The following PCDH9 variants were observed in gnomAD, a reference collection of about 807,000 sequenced individuals.
PCDH9 encodes protocadherin 9.
Under a neutral mutation model 70.6 loss-of-function variants are expected in PCDH9, and 24 were observed. The ratio of observed to expected loss-of-function variants is 0.34; its 90% CI spans 0.25 to 0.48. The LOEUF (loss-of-function observed/expected upper bound fraction) is 0.48. PCDH9 is among the 20% of genes least tolerant of loss of function. The probability of loss-of-function intolerance (pLI) is 0.99; values close to 1 mark genes in which losing one functional copy is unlikely to be tolerated. For synonymous variants in PCDH9, 562 were observed against 558.5 expected (o/e 1.01, Z -0.09); for missense variants, 1,281 against 1,503.6 (o/e 0.85, Z 2.45).
intron 3 of PCDH9, chr13:66,825,198 T>A (rs1405166043): frequency 6.6e-6 from 1 of 151,250 alleles, no homozygotes; most frequent in Non-Finnish European, 1.5e-5. Context: ...AATATATATA[T>A]GTATATATAT....
intron 4 of PCDH9, among the ~76,000 whole-genome samples, chr13:66,379,480 G>C (rs1287975226): frequency 6.6e-6 from 1 of 152,092 alleles, no homozygotes; most frequent in Admixed American, 6.6e-5. Flanking sequence ...TTCTTGAGTG[G>C]CAAGGAAAAA....
intron 3 of PCDH9, among the ~76,000 whole-genome samples, chr13:66,837,193 T>C (rs148107097): frequency 1.3e-5 from 2 of 152,328 alleles, no homozygotes; most frequent in South Asian, 2.1e-4. Context: ...TTTTAAAAAT[T>C]TTCTTCCTTA....
At chr13:66,320,971 A>C (rs1265941084) in intron 4 of PCDH9, among the ~76,000 whole-genome samples, 2 of 151,944 alleles carry the variant, frequency 1.3e-5, no homozygotes, top group African/African-American at 4.8e-5. Context: ...TTTTTCGCTA[A>C]ATCTAAAGCC....
At chr13:66,700,196 G>T (rs539691050) in intron 3 of PCDH9, among the ~76,000 whole-genome samples, 1 of 151,972 alleles carries the variant, frequency 6.6e-6, no homozygotes, top group Non-Finnish European at 1.5e-5. Flanking sequence ...TGAGAGAATC[G>T]CTATTTGTAA....
chr13:66,414,957 T>C (rs1957437142), intron 4 of PCDH9, among the ~76,000 whole-genome samples: 1 of 152,108 alleles, frequency 6.6e-6, no homozygotes, highest in Admixed American at 6.5e-5. Flanking sequence ...AATAATGTAC[T>C]GTTAAAATAA....
intron 2 of PCDH9, among the ~76,000 whole-genome samples, chr13:67,019,188 CTTTTTTTTTTTT>C (rs60154161): frequency 9.7e-6 from 1 of 102,728 alleles, no homozygotes; most frequent in African/African-American, 3.7e-5. Flanking sequence ...GGCAGTTGCT[CTTTTTTTTTTTT>C]TTTTTTTTTC....
intron 4 of PCDH9, among the ~76,000 whole-genome samples, chr13:66,488,976 C>T (rs1268069657): frequency 1.3e-5 from 2 of 151,932 alleles, no homozygotes; most frequent in African/African-American, 4.8e-5. Flanking sequence ...AATAAATATA[C>T]TGAAATATGT....
At chr13:66,809,012 A>G (rs1418407651) in intron 3 of PCDH9, among the ~76,000 whole-genome samples, 3 of 152,184 alleles carry the variant, frequency 2.0e-5, no homozygotes, top group Non-Finnish European at 2.9e-5. Flanking sequence ...CGGTGGCGCT[A>G]TCTCGGCTCA....
intron 2 of PCDH9, among the ~76,000 whole-genome samples, chr13:67,186,192 T>G (rs1389760729): frequency 2.0e-5 from 3 of 152,034 alleles, no homozygotes; most frequent in African/African-American, 7.2e-5. Context: ...ATCATAAGAG[T>G]GTATACTTTT....
intron 4 of PCDH9, among the ~76,000 whole-genome samples, chr13:66,371,741 A>C (rs916422633): frequency 1.3e-5 from 2 of 152,146 alleles, no homozygotes; most frequent in African/African-American, 2.4e-5. Flanking sequence ...TAAGAACAAC[A>C]AACAGGATAC....
At chr13:67,184,959 G>C (rs182098002) in intron 2 of PCDH9, among the ~76,000 whole-genome samples, 3 of 152,114 alleles carry the variant, frequency 2.0e-5, no homozygotes, top group Admixed American at 1.3e-4. Context: ...TTCTTTCACA[G>C]AATCTCCGTA....
chr13:67,001,231 T>C (rs1164955261), intron 2 of PCDH9, among the ~76,000 whole-genome samples: 1 of 152,212 alleles, frequency 6.6e-6, no homozygotes, highest in Non-Finnish European at 1.5e-5. Context: ...ACGATTCAAA[T>C]ATAGTTATTG....
At chr13:66,867,812 T>C (rs2081602653) in intron 3 of PCDH9, among the ~76,000 whole-genome samples, 1 of 152,016 alleles carries the variant, frequency 6.6e-6, no homozygotes, top group African/African-American at 2.4e-5. Flanking sequence ...TTATGAACTT[T>C]TTGAAAAAAA....
intron 4 of PCDH9, among the ~76,000 whole-genome samples, chr13:66,586,079 T>C (rs566078306): frequency 6.6e-6 from 1 of 152,268 alleles, no homozygotes; most frequent in South Asian, 2.1e-4. Flanking sequence ...AGGGAAAGCA[T>C]TCACAACTGA....
chr13:66,880,250 T>C (rs987152976), intron 3 of PCDH9: 1 of 152,168 alleles, frequency 6.6e-6, no homozygotes, highest in African/African-American at 2.4e-5. Flanking sequence ...GAAGCTATGG[T>C]GAGGGCATTA....
intron 3 of PCDH9, among the ~76,000 whole-genome samples, chr13:66,841,322 T>A (rs1241766588): frequency 6.6e-6 from 1 of 152,218 alleles, no homozygotes; most frequent in Non-Finnish European, 1.5e-5. Context: ...TCTACTACTA[T>A]GTGTACTCCA....
chr13:66,854,909 T>C (rs2081369716), intron 3 of PCDH9, among the ~76,000 whole-genome samples: 1 of 151,778 alleles, frequency 6.6e-6, no homozygotes, highest in South Asian at 2.1e-4. Flanking sequence ...GTAATCAGAG[T>C]TTTCCAGGAA....
At chr13:66,769,620 T>C (rs1362184708) in intron 3 of PCDH9, among the ~76,000 whole-genome samples, 1 of 152,096 alleles carries the variant, frequency 6.6e-6, no homozygotes, top group East Asian at 1.9e-4. Flanking sequence ...GCTTTGCAAT[T>C]AGAAATCCAA....
At chr13:66,491,726 T>C (rs1959037378) in intron 4 of PCDH9, among the ~76,000 whole-genome samples, 1 of 152,164 alleles carries the variant, frequency 6.6e-6, no homozygotes, top group South Asian at 2.1e-4. Context: ...ACATAGCATA[T>C]GTGTTTTTCT....
Sources: gnomAD v4.1 joint callset for allele counts (sites outside exome capture counted in the v4.1 genomes callset) on GRCh38, gnomAD v4.1.1 for gene constraint, MANE v1.5 for transcripts, NCBI Gene and HGNC (gene_info 2026-07-23, HGNC 2026-07-21) for gene names.